The following FNDC3B variants were observed in gnomAD, a reference collection of about 807,000 sequenced individuals.
The protein encoded by FNDC3B is fibronectin type III domain-containing protein 3B.
Under a neutral mutation model 151.5 loss-of-function variants are expected in FNDC3B, and 12 were observed. The observed-to-expected ratio is 0.08, with a 90% CI of 0.05 to 0.13. The LOEUF (loss-of-function observed/expected upper bound fraction) is 0.13. Ranked by LOEUF, FNDC3B falls within the 10% of genes least tolerant of loss-of-function variation. The pLI, the probability that FNDC3B is intolerant of heterozygous loss-of-function variation, is 1.00. For missense variants in FNDC3B, 1,214 were observed against 1,505.3 expected (o/e 0.81, Z 3.20); for synonymous variants, 528 against 549.0 (o/e 0.96, Z 0.54).
At chr3:172,316,000 CTTTTTTTTTTTTTTT>C (rs555242809) in intron 11 of FNDC3B, among the ~76,000 whole-genome samples, 1 of 79,930 alleles carries the variant, frequency 1.3e-5, no homozygotes, top group African/African-American at 3.8e-5. Context: ...CTTTCTTCTT[CTTTTTTTTTTTTTTT>C]TTTTTTTTTG....
intron 10 of FNDC3B, among the ~76,000 whole-genome samples, chr3:172,309,235 G>C (rs565858798): frequency 6.6e-6 from 1 of 152,182 alleles, no homozygotes; most frequent in Admixed American, 6.5e-5. Context: ...AAGGACAGGG[G>C]AACATTCTCT....
intron 3 of FNDC3B, among the ~76,000 whole-genome samples, chr3:172,193,572 G>A: frequency 6.6e-6 from 1 of 151,140 alleles, no homozygotes. Context: ...TGCATGCCCT[G>A]TAGCATTTTG....
intron 1 of FNDC3B, among the ~76,000 whole-genome samples, chr3:172,098,806 A>G (rs1381726820): frequency 6.6e-6 from 1 of 152,190 alleles, no homozygotes; most frequent in Non-Finnish European, 1.5e-5. Context: ...AGGGCCTGTG[A>G]ACATGGCATT....
chr3:172,057,549 C>T (rs1290598321), intron 1 of FNDC3B, among the ~76,000 whole-genome samples: 2 of 152,074 alleles, frequency 1.3e-5, no homozygotes, highest in African/African-American at 4.8e-5. Context: ...AAGAACAAAA[C>T]TTTTACTGGC....
chr3:172,078,528 T>G (rs986238489), intron 1 of FNDC3B, among the ~76,000 whole-genome samples: 7 of 94,962 alleles, frequency 7.4e-5, no homozygotes, highest in African/African-American at 2.6e-4. Context: ...GGCCTGTGAC[T>G]GCAGAATGTA....
intron 4 of FNDC3B, among the ~76,000 whole-genome samples, chr3:172,235,648 A>T (rs974814969): frequency 6.6e-6 from 1 of 152,242 alleles, no homozygotes; most frequent in Admixed American, 6.5e-5. Flanking sequence ...AAGTTGAGTA[A>T]CCATGAAAAA....
At chr3:172,102,793 A>G (rs1171411651) in intron 1 of FNDC3B, among the ~76,000 whole-genome samples, 1 of 152,206 alleles carries the variant, frequency 6.6e-6, no homozygotes, top group Non-Finnish European at 1.5e-5. Context: ...GATTAGAATT[A>G]GACTTCCTCA....
At chr3:172,098,163 G>A (rs967135839) in intron 1 of FNDC3B, among the ~76,000 whole-genome samples, 1 of 152,114 alleles carries the variant, frequency 6.6e-6, no homozygotes, top group African/African-American at 2.4e-5. Flanking sequence ...GGGGTATTGA[G>A]AATTTAATCA....
chr3:172,158,139 A>G (rs1482307181), intron 3 of FNDC3B, among the ~76,000 whole-genome samples: 3 of 152,192 alleles, frequency 2.0e-5, no homozygotes, highest in African/African-American at 7.2e-5. Flanking sequence ...ATACATTTCT[A>G]TCATCTCTAA....
chr3:172,122,681 T>C (rs945437909), intron 2 of FNDC3B, among the ~76,000 whole-genome samples: 5 of 152,272 alleles, frequency 3.3e-5, no homozygotes, highest in African/African-American at 1.2e-4. Context: ...TGAACAAGAA[T>C]AATTTGGCCC....
intron 4 of FNDC3B, among the ~76,000 whole-genome samples, chr3:172,229,136 C>CACACACACACACAA (rs1272151522): frequency 1.1e-4 from 9 of 81,592 alleles, no homozygotes; most frequent in African/African-American, 3.9e-4. Flanking sequence ...CACACACACA[C>CACACACACACACAA]AATCTCCTGC....
intron 4 of FNDC3B, among the ~76,000 whole-genome samples, chr3:172,236,262 G>A (rs1382727510): frequency 6.6e-6 from 1 of 152,118 alleles, no homozygotes; most frequent in Non-Finnish European, 1.5e-5. Flanking sequence ...TGGTATTTAG[G>A]TCAGTAATAT....
intron 25 of FNDC3B, among the ~76,000 whole-genome samples, chr3:172,393,475 G>A (rs986429031): frequency 2.0e-5 from 3 of 152,032 alleles, no homozygotes; most frequent in African/African-American, 7.2e-5. Flanking sequence ...ATAAACATTG[G>A]GCTTGAACAA....
At chr3:172,186,785 C>G (rs1241443808) in intron 3 of FNDC3B, 6 of 700,626 alleles carry the variant, frequency 8.6e-6, no homozygotes, top group Non-Finnish European at 1.6e-5. Flanking sequence ...TGTTCTCTCT[C>G]ATGTTTCATG....
At chr3:172,214,833 G>C (rs1725897697) in intron 3 of FNDC3B, among the ~76,000 whole-genome samples, 1 of 152,234 alleles carries the variant, frequency 6.6e-6, no homozygotes, top group Admixed American at 6.5e-5. Flanking sequence ...CAAAGACTTT[G>C]CTTTATGGCA....
At chr3:172,104,162 ATG>A (rs1226676611) in intron 1 of FNDC3B, among the ~76,000 whole-genome samples, 1 of 152,102 alleles carries the variant, frequency 6.6e-6, no homozygotes, top group Non-Finnish European at 1.5e-5. Context: ...AAGTTTTTTT[ATG>A]TGTCTTTTTT....
At chr3:172,205,387 C>T (rs1233715300) in intron 3 of FNDC3B, among the ~76,000 whole-genome samples, 1 of 152,192 alleles carries the variant, frequency 6.6e-6, no homozygotes, top group Non-Finnish European at 1.5e-5. Context: ...AACCATGTGC[C>T]AGGTACTCTT....
chr3:172,075,485 A>G (rs1200515464), intron 1 of FNDC3B, among the ~76,000 whole-genome samples: 3 of 152,112 alleles, frequency 2.0e-5, no homozygotes, highest in African/African-American at 7.2e-5. Context: ...CCTACACGTC[A>G]ACAACAACAA....
chr3:172,168,234 A>G (rs1415312740), intron 3 of FNDC3B, among the ~76,000 whole-genome samples: 2 of 152,226 alleles, frequency 1.3e-5, no homozygotes, highest in African/African-American at 4.8e-5. Context: ...ATATTGCCAT[A>G]TCCCAGCATG....
Sources: allele counts gnomAD v4.1 joint callset (sites outside exome capture counted in the v4.1 genomes callset), GRCh38; gene constraint gnomAD v4.1.1; transcripts MANE v1.5; gene names NCBI Gene and HGNC (gene_info 2026-07-23, HGNC 2026-07-21).